The following PCSK6 variants were observed in gnomAD, a reference collection of about 807,000 sequenced individuals.
The protein encoded by PCSK6 is proprotein convertase subtilisin/kexin type 6, also known as paired basic amino acid cleaving enzyme 4.
PCSK6 carries 85 observed loss-of-function variants against 123.3 expected under a neutral mutation model. The observed-to-expected ratio is 0.69, with a 90% CI of 0.58 to 0.83. The LOEUF is 0.83. PCSK6 is among the 40% of genes least tolerant of loss of function. PCSK6 has a pLI of 0.00. For synonymous variants in PCSK6, 508 were observed against 516.0 expected, an observed-to-expected ratio of 0.98 and a Z score of 0.21; for missense variants, 1,191 against 1,282.3, an observed-to-expected ratio of 0.93 and a Z score of 1.09.
intron 7 of PCSK6, 31 bp from the exon 8 acceptor site, chr15:101,393,455 C>A: frequency 2.5e-6 from 4 of 1,574,550 alleles, no homozygotes; most frequent in Non-Finnish European, 3.5e-6. Flanking sequence ...AGGCTTAGCC[C>A]CGCAGCAGAA....
rs552926897 is a variant in PCSK6, at chr15:101,370,236, C to T, written c.1721+99G>A. 6.3e-5 allele frequency: 65 copies of T among 1,033,172 alleles called. 1 individual carries two copies. In the East Asian group the frequency reaches 2.0e-3, roughly 31 times the overall value. The allele number at this position is 1,033,172 out of a possible 1,614,324, so 64.0% of individuals were successfully genotyped here. ...AGTGGGAGTCCCCAACGCCAGAGGG[C>T]CTTGCAGAGACACTGTGGGCCCAAG... On this transcript the variant is annotated intron_variant, in intron 12 of 21. Transcript: ENST00000611716.
intron 1 of PCSK6, 136 bp from the exon 2 acceptor site, chr15:101,443,796 C>T (rs757442886): frequency 1.2e-5 from 8 of 672,786 alleles, no homozygotes; most frequent in Middle Eastern, 2.5e-4. Context: ...TCACCCTGCT[C>T]CTCATATCTC....
chr15:101,343,407 T>C (rs529843618), intron 13 of PCSK6, among the ~76,000 whole-genome samples: 3 of 152,272 alleles, frequency 2.0e-5, no homozygotes, highest in Admixed American at 2.0e-4. Context: ...TGTTGGTTTT[T>C]TTCTATCATC....
At chr15:101,448,222 G>A (rs908893753) in intron 1 of PCSK6, among the ~76,000 whole-genome samples, 1 of 152,130 alleles carries the variant, frequency 6.6e-6, no homozygotes, top group East Asian at 1.9e-4. Context: ...GTTGATAGGC[G>A]ATTATATGCA....
At chr15:101,356,198 T>A (rs890109928) in intron 13 of PCSK6, among the ~76,000 whole-genome samples, 1 of 152,228 alleles carries the variant, frequency 6.6e-6, no homozygotes, top group African/African-American at 2.4e-5. Context: ...TCGCCCCAGC[T>A]CTGCCTGCAC....
chr15:101,343,669 G>C (rs2040669021), intron 13 of PCSK6, among the ~76,000 whole-genome samples: 1 of 151,892 alleles, frequency 6.6e-6, no homozygotes, highest in South Asian at 2.1e-4. Flanking sequence ...TTTTGATTTT[G>C]ATTTCTAACT....
intron 1 of PCSK6, among the ~76,000 whole-genome samples, chr15:101,466,416 A>C (rs909329510): frequency 6.6e-6 from 1 of 152,210 alleles, no homozygotes; most frequent in Non-Finnish European, 1.5e-5. Context: ...TGAGACCGTG[A>C]AGGGTGGGTC....
chr15:101,384,618 A>AG (rs1382913760), intron 9 of PCSK6, among the ~76,000 whole-genome samples, 193 bp from the exon 10 acceptor site: 2 of 152,188 alleles, frequency 1.3e-5, no homozygotes, highest in Non-Finnish European at 2.9e-5. Flanking sequence ...CTAAATCCTG[A>AG]GGGAAAAAAA....
At position 101,434,584 on chromosome 15, in the gene PCSK6, G is replaced by A. The variant is rs80045588; in HGVS notation, c.403-2484C>T. Among the ~76,000 whole-genome samples, 781 of 152,350 alleles carry A rather than the reference G, an allele frequency of 5.1e-3. 2 individuals carry two copies. Among genetic ancestry groups the A allele is most frequent in the African/African-American group, 0.018 (734 of 41,580 alleles). ...TCTGAGGGGGACTGTGATAGCCTGCGGCCCGCAGCACAGTTTGGGGCTCTC... is the reference window on the plus strand; with the variant it reads ...TCTGAGGGGGACTGTGATAGCCTGCAGCCCGCAGCACAGTTTGGGGCTCTC... On this transcript the variant is annotated intron_variant, in intron 2 of 21. Coordinates refer to ENST00000611716, the MANE Select transcript of PCSK6 (RefSeq NM_002570.5).
At chr15:101,424,616 G>A (rs1445359605) in intron 6 of PCSK6, among the ~76,000 whole-genome samples, 1 of 147,466 alleles carries the variant, frequency 6.8e-6, no homozygotes, top group Non-Finnish European at 1.5e-5. Flanking sequence ...TCAGTGGAAT[G>A]GTACACAGGC....
intron 13 of PCSK6, among the ~76,000 whole-genome samples, chr15:101,339,984 TACAC>T (rs1307796958): frequency 6.6e-6 from 1 of 151,874 alleles, no homozygotes; most frequent in Admixed American, 6.6e-5. Context: ...TGTATATGTA[TACAC>T]ACACAAACAG....
intron 1 of PCSK6, among the ~76,000 whole-genome samples, chr15:101,450,952 C>G: frequency 6.6e-6 from 1 of 151,744 alleles, no homozygotes; most frequent in South Asian, 2.1e-4. Flanking sequence ...TGGCACGCAC[C>G]AGCCATGAGA....
chr15:101,462,315 C>T (rs2057357872), intron 1 of PCSK6, among the ~76,000 whole-genome samples: 1 of 152,154 alleles, frequency 6.6e-6, no homozygotes, highest in Non-Finnish European at 1.5e-5. Context: ...AGATACCATG[C>T]TCATGGATAG....
intron 2 of PCSK6, among the ~76,000 whole-genome samples, chr15:101,443,135 T>A (rs1427754131): frequency 6.6e-6 from 1 of 152,262 alleles, no homozygotes; most frequent in East Asian, 1.9e-4. Flanking sequence ...TTTGTTTTAA[T>A]CCTGAAGATC....
chr15:101,347,115 C>A, intron 13 of PCSK6: 8 of 1,231,752 alleles, frequency 6.5e-6, no homozygotes, highest in Non-Finnish European at 7.1e-6. Flanking sequence ...GGGAGTGATA[C>A]TCTATAATTG....
intron 3 of PCSK6, among the ~76,000 whole-genome samples, chr15:101,431,669 A>G (rs1451717906): frequency 2.0e-5 from 3 of 152,146 alleles, no homozygotes; most frequent in Non-Finnish European, 4.4e-5. Context: ...TGCACCTGCA[A>G]TCTATATTTT....
intron 11 of PCSK6, among the ~76,000 whole-genome samples, chr15:101,381,234 G>C (rs1355749260): frequency 6.6e-6 from 1 of 151,990 alleles, no homozygotes; most frequent in East Asian, 1.9e-4. Context: ...CATGGTGGTG[G>C]GTGCCTATAA....
chr15:101,340,234 C>T (rs537849714), intron 13 of PCSK6, among the ~76,000 whole-genome samples: 1 of 152,268 alleles, frequency 6.6e-6, no homozygotes, highest in South Asian at 2.1e-4. Flanking sequence ...TGAGCACACA[C>T]ACATACACAC....
At chr15:101,308,166 G>GT in intron 20 of PCSK6, 1 of 152,428 alleles carries the variant, frequency 6.6e-6, no homozygotes, top group African/African-American at 2.4e-5. Flanking sequence ...TCCTGGGGCC[G>GT]TGAGTGCACC....
Sources: allele counts gnomAD v4.1 joint callset (sites outside exome capture counted in the v4.1 genomes callset), GRCh38; gene constraint gnomAD v4.1.1; transcripts MANE v1.5; gene names NCBI Gene and HGNC (gene_info 2026-07-23, HGNC 2026-07-21).